OPCML: variants seen among roughly 807,000 people sequenced by gnomAD.
The protein encoded by OPCML is opioid binding protein/cell adhesion molecule like.
OPCML carries 13 observed loss-of-function variants against 37.8 expected under a neutral mutation model. The observed-to-expected ratio is 0.34, with a 90% CI of 0.22 to 0.55. The LOEUF (loss-of-function observed/expected upper bound fraction) is 0.55, where lower values mean the gene tolerates loss of function less well. Among genes scored for constraint, OPCML ranks in the 20% least tolerant of loss-of-function variants. The pLI is 0.91. For missense variants in OPCML, 341 were observed against 435.6 expected (o/e 0.78, Z 1.93); for synonymous variants, 176 against 168.8 (o/e 1.04, Z -0.33).
At chr11:132,979,371 C>A (rs1038671185) in intron 1 of OPCML, among the ~76,000 whole-genome samples, 1 of 152,220 alleles carries the variant, frequency 6.6e-6, no homozygotes, top group Non-Finnish European at 1.5e-5. Flanking sequence ...CTCCTCCTCT[C>A]CCACAAGTCC....
At chr11:133,284,084 C>T (rs1024135011) in intron 1 of OPCML, among the ~76,000 whole-genome samples, 24 of 152,128 alleles carry the variant, frequency 1.6e-4, no homozygotes, top group Admixed American at 7.2e-4. Context: ...TATATTGAGC[C>T]GTGTGGCCTT....
At chr11:132,534,924 T>C (rs1460850365) in intron 3 of OPCML, among the ~76,000 whole-genome samples, 1 of 151,982 alleles carries the variant, frequency 6.6e-6, no homozygotes, top group African/African-American at 2.4e-5. Flanking sequence ...AATCTGTGCC[T>C]AATTGCTCAT....
intron 2 of OPCML, among the ~76,000 whole-genome samples, chr11:132,664,565 G>C (rs1942141569): frequency 6.6e-6 from 1 of 152,106 alleles, no homozygotes; most frequent in Non-Finnish European, 1.5e-5. Flanking sequence ...CCAAAAACTG[G>C]GAGGAAGACC....
chr11:133,069,791 A>G lies in OPCML; in HGVS notation c.62-126781T>C, dbSNP rs368034396. Among the ~76,000 whole-genome samples, 6 of 152,306 alleles carry G rather than the reference A, an allele frequency of 3.9e-5. No homozygotes were observed. In the South Asian group the frequency reaches 1.2e-3, roughly 32 times the overall value. Reference sequence around the variant, plus strand: ...AAGACCATTAACTCTTAGAAACGCCATATAATAATTATCATGATAGAATTG... The same window carrying G: ...AAGACCATTAACTCTTAGAAACGCCGTATAATAATTATCATGATAGAATTG... On this transcript the variant is annotated intron_variant, in intron 1 of 7. Coordinates refer to ENST00000524381, the MANE Select transcript of OPCML (RefSeq NM_001012393.5).
At chr11:133,482,672 A>G (rs1429493214) in intron 1 of OPCML, among the ~76,000 whole-genome samples, 1 of 152,226 alleles carries the variant, frequency 6.6e-6, no homozygotes, top group Non-Finnish European at 1.5e-5. Flanking sequence ...TAAAGATGGC[A>G]GCATAAATAA....
chr11:133,118,983 G>A (rs1181079369), intron 1 of OPCML, among the ~76,000 whole-genome samples: 1 of 152,200 alleles, frequency 6.6e-6, no homozygotes, highest in East Asian at 1.9e-4. Flanking sequence ...GCCAAAGGAG[G>A]ACTGGCTTTC....
chr11:132,458,520 T>A (rs1428603428), intron 4 of OPCML, among the ~76,000 whole-genome samples: 1 of 152,174 alleles, frequency 6.6e-6, no homozygotes, highest in Non-Finnish European at 1.5e-5. Flanking sequence ...TTGTCAAACT[T>A]TTTTCCTCAG....
chr11:132,645,651 G>A (rs1198045764), intron 3 of OPCML, among the ~76,000 whole-genome samples: 2 of 150,700 alleles, frequency 1.3e-5, no homozygotes, highest in African/African-American at 4.8e-5. Context: ...GGTATCACAA[G>A]GAAGTACAGG....
intron 2 of OPCML, among the ~76,000 whole-genome samples, chr11:132,657,903 T>C (rs565980402): frequency 6.6e-6 from 1 of 152,298 alleles, no homozygotes; most frequent in African/African-American, 2.4e-5. Context: ...CAAAACTGCA[T>C]CTTAGGACTT....
At chr11:133,162,867 C>T (rs941246861) in intron 1 of OPCML, among the ~76,000 whole-genome samples, 45 of 152,088 alleles carry the variant, frequency 3.0e-4, no homozygotes, top group Non-Finnish European at 6.0e-4. Context: ...AGTAGCGAAA[C>T]GAGTGTTTCA....
chr11:132,487,272 C>T (rs553083571), intron 4 of OPCML, among the ~76,000 whole-genome samples: 12 of 152,334 alleles, frequency 7.9e-5, no homozygotes, highest in Admixed American at 1.3e-4. Context: ...GTGCCCATGA[C>T]GGGCAACGTC....
intron 1 of OPCML, among the ~76,000 whole-genome samples, chr11:133,259,863 G>A (rs753171812): frequency 6.6e-6 from 1 of 152,128 alleles, no homozygotes; most frequent in Non-Finnish European, 1.5e-5. Flanking sequence ...CACCTTCTAT[G>A]TCTAGGCACT....
chr11:132,551,184 C>G (rs2096380770), intron 3 of OPCML, among the ~76,000 whole-genome samples: 1 of 152,212 alleles, frequency 6.6e-6, no homozygotes, highest in Admixed American at 6.5e-5. Context: ...CACTAAGAAG[C>G]TGTCTGTGCC....
chr11:133,237,258 A>G (rs1360193548), intron 1 of OPCML, among the ~76,000 whole-genome samples: 1 of 152,218 alleles, frequency 6.6e-6, no homozygotes, highest in Non-Finnish European at 1.5e-5. Context: ...AGCACCCAGA[A>G]TTTGTACACC....
intron 1 of OPCML, among the ~76,000 whole-genome samples, chr11:133,383,981 A>G (rs1944985680): frequency 6.6e-6 from 1 of 152,092 alleles, no homozygotes; most frequent in South Asian, 2.1e-4. Context: ...ACAGAGGGAC[A>G]TCCCGGCAGT....
chr11:133,404,484 T>A (rs1945482303), intron 1 of OPCML, among the ~76,000 whole-genome samples: 1 of 152,200 alleles, frequency 6.6e-6, no homozygotes, highest in African/African-American at 2.4e-5. Flanking sequence ...CTAATCCTCA[T>A]GACAATCCCA....
intron 2 of OPCML, among the ~76,000 whole-genome samples, chr11:132,891,724 A>G (rs952510244): frequency 1.3e-5 from 2 of 152,242 alleles, no homozygotes; most frequent in African/African-American, 2.4e-5. Context: ...GAATGAATGT[A>G]TAAATATTTT....
At chr11:132,638,865 T>A (rs1170539634) in intron 3 of OPCML, among the ~76,000 whole-genome samples, 1 of 152,120 alleles carries the variant, frequency 6.6e-6, no homozygotes, top group Non-Finnish European at 1.5e-5. Flanking sequence ...CTGATTTGAG[T>A]AATATCTCCA....
intron 4 of OPCML, among the ~76,000 whole-genome samples, chr11:132,468,649 A>T (rs1255756253): frequency 6.6e-6 from 1 of 152,214 alleles, no homozygotes; most frequent in African/African-American, 2.4e-5. Flanking sequence ...AGGTAGTTTC[A>T]GGTTAATGTA....
Sources: gnomAD v4.1 joint callset for allele counts (sites outside exome capture counted in the v4.1 genomes callset) on GRCh38, gnomAD v4.1.1 for gene constraint, MANE v1.5 for transcripts, NCBI Gene and HGNC (gene_info 2026-07-23, HGNC 2026-07-21) for gene names.